TACR1: variants seen among roughly 807,000 people sequenced by gnomAD.
TACR1 encodes the protein substance-P receptor.
In TACR1, 25 loss-of-function variants were observed where a neutral mutation model predicts 35.8. The ratio of observed to expected loss-of-function variants is 0.70; its 90% CI spans 0.51 to 0.98. The LOEUF (loss-of-function observed/expected upper bound fraction) is 0.98, where lower values mean the gene tolerates loss of function less well. Ranked by LOEUF, TACR1 falls within the 50% of genes least tolerant of loss-of-function variation. The pLI, the probability that TACR1 is intolerant of heterozygous loss-of-function variation, is 0.00. For synonymous variants in TACR1, 195 were observed against 206.7 expected (o/e 0.94, Z 0.48); for missense variants, 478 against 522.9 (o/e 0.91, Z 0.84).
At chr2:75,134,593 G>T (rs1304728314) in intron 1 of TACR1, among the ~76,000 whole-genome samples, 1 of 152,190 alleles carries the variant, frequency 6.6e-6, no homozygotes, top group Non-Finnish European at 1.5e-5. Flanking sequence ...GGTTGAGCTG[G>T]CATGCACAAT....
At chr2:75,118,637 A>T (rs1673909044) in intron 2 of TACR1, among the ~76,000 whole-genome samples, 1 of 152,220 alleles carries the variant, frequency 6.6e-6, no homozygotes, top group Non-Finnish European at 1.5e-5. Context: ...TGGGAAAATT[A>T]ATCTTTATTT....
At chr2:75,130,747 C>T (rs181192058) in intron 1 of TACR1, among the ~76,000 whole-genome samples, 2 of 151,894 alleles carry the variant, frequency 1.3e-5, no homozygotes, top group Admixed American at 1.3e-4. Flanking sequence ...AGACACACAT[C>T]TGCTGAAGCA....
chr2:75,130,853 C>T (rs1394686531), intron 1 of TACR1, among the ~76,000 whole-genome samples: 1 of 152,188 alleles, frequency 6.6e-6, no homozygotes. Flanking sequence ...TGCATTTCCT[C>T]ATCATTCTGT....
chr2:75,124,895 T>C (rs1183619735), intron 1 of TACR1, among the ~76,000 whole-genome samples: 1 of 152,174 alleles, frequency 6.6e-6, no homozygotes, highest in African/African-American at 2.4e-5. Context: ...ACTCATTGGG[T>C]AGATAACTCC....
At chr2:75,193,098 C>A (rs1675890186) in intron 1 of TACR1, among the ~76,000 whole-genome samples, 2 of 152,028 alleles carry the variant, frequency 1.3e-5, no homozygotes, top group Non-Finnish European at 2.9e-5. Flanking sequence ...CCCTACTGCC[C>A]TCCCTCTCCT....
chr2:75,064,549 T>C (rs1672730199), intron 2 of TACR1, among the ~76,000 whole-genome samples: 1 of 152,084 alleles, frequency 6.6e-6, no homozygotes, highest in South Asian at 2.1e-4. Flanking sequence ...AAAGATACCA[T>C]ATTAAGCATG....
intron 1 of TACR1, among the ~76,000 whole-genome samples, chr2:75,195,996 G>T (rs1675961231): frequency 6.6e-6 from 1 of 152,138 alleles, no homozygotes. Flanking sequence ...GTTGCTTCTT[G>T]TCGGTTAGGT....
intron 2 of TACR1, among the ~76,000 whole-genome samples, chr2:75,113,535 T>TG (rs1037424015): frequency 1.4e-5 from 2 of 143,500 alleles, no homozygotes; most frequent in African/African-American, 5.2e-5. Flanking sequence ...CTTCTTCCTT[T>TG]TTTTTTTTTT....
At position 75,199,127 on chromosome 2, in the gene TACR1, T is replaced by G. The variant is rs1276836431; in HGVS notation, c.-193A>C. On this transcript the variant is annotated 5_prime_UTR_variant, in exon 1 of 5. Transcript: ENST00000305249. The stretch of plus-strand genomic sequence containing the variant: ...AACGCTTCTGGATGCACTGCCCGCC[T>G]GCCCGCGGTGGCTCTGAATTCCTCC... 1.6e-6 allele frequency: 1 copy of G among 643,220 alleles called. No homozygotes were observed. The highest frequency in any genetic ancestry group is 1.8e-5 in the African/African-American group (1 of 54,852). The allele number at this position is 643,220 out of a possible 1,614,324, so 39.8% of individuals were successfully genotyped here.
At chr2:75,133,761 T>G (rs1674224405) in intron 1 of TACR1, among the ~76,000 whole-genome samples, 1 of 152,084 alleles carries the variant, frequency 6.6e-6, no homozygotes, top group Non-Finnish European at 1.5e-5. Context: ...AACTCCATCT[T>G]GAATAGGAGC....
chr2:75,175,303 A>G lies in TACR1; in HGVS notation c.389+23243T>C, dbSNP rs115843424. ...GTCCCACGCCCCAAATGATTTTTGA[A>G]TGTCCCTCCAGATATTCATGCAGGT... On this transcript the variant is annotated intron_variant, in intron 1 of 4. Coordinates refer to ENST00000305249, the MANE Select transcript of TACR1 (RefSeq NM_001058.4). Among the ~76,000 whole-genome samples the G allele has an allele frequency of 7.5e-3, 1,147 of 152,284 alleles. 14 individuals are homozygous for G. Among genetic ancestry groups the G allele is most frequent in the African/African-American group, 0.026 (1,072 of 41,566 alleles).
chr2:75,167,324 C>T (rs912808693), intron 1 of TACR1, among the ~76,000 whole-genome samples: 2 of 151,944 alleles, frequency 1.3e-5, no homozygotes, highest in African/African-American at 4.8e-5. Flanking sequence ...GCAAATGGGC[C>T]CAATAGATCA....
chr2:75,087,075 C>T (rs1015147650), intron 2 of TACR1, among the ~76,000 whole-genome samples: 3 of 152,142 alleles, frequency 2.0e-5, no homozygotes, highest in Non-Finnish European at 4.4e-5. Context: ...CAAGTACACA[C>T]CCACACTCAC....
intron 1 of TACR1, chr2:75,154,401 A>AGCGCGTGCGCGC: frequency 1.3e-5 from 1 of 76,500 alleles, no homozygotes; most frequent in Admixed American, 1.3e-4. Context: ...ATCAGCCAAG[A>AGCGCGTGCGCGC]GCGCGCACGC....
chr2:75,126,878 G>A (rs147834749), intron 1 of TACR1, among the ~76,000 whole-genome samples: 334 of 152,222 alleles, frequency 2.2e-3, no homozygotes, highest in African/African-American at 7.3e-3. Flanking sequence ...GTGGCCGCAA[G>A]CATATGAAAA....
chr2:75,179,216 C>G (rs1675502224), intron 1 of TACR1, among the ~76,000 whole-genome samples: 1 of 152,210 alleles, frequency 6.6e-6, no homozygotes, highest in Non-Finnish European at 1.5e-5. Flanking sequence ...AGCAGTCATT[C>G]TTGACTGTGC....
At chr2:75,060,957 C>G (rs1043243483) in intron 2 of TACR1, among the ~76,000 whole-genome samples, 1 of 152,072 alleles carries the variant, frequency 6.6e-6, no homozygotes, top group African/African-American at 2.4e-5. Context: ...GTGACTGTCA[C>G]TAGTGTGGGG....
chr2:75,169,576 G>T (rs909566375), intron 1 of TACR1, among the ~76,000 whole-genome samples: 9 of 152,040 alleles, frequency 5.9e-5, no homozygotes, highest in African/African-American at 1.9e-4. Context: ...TTCTTGCTAG[G>T]ATAGATGAAG....
chr2:75,177,839 A>G lies in TACR1; in HGVS notation c.389+20707T>C, dbSNP rs374392484. ...CACAAATCTCAAGGCATGCTTCAAC[A>G]TTGCTTGACAATCCCCAAATATTTC... is the stretch of plus-strand genomic sequence containing the variant. On this transcript the variant is annotated intron_variant, in intron 1 of 4. Coordinates refer to ENST00000305249, the MANE Select transcript of TACR1 (RefSeq NM_001058.4). Among the ~76,000 whole-genome samples the G allele has an allele frequency of 9.2e-5, 14 of 152,198 alleles. No individual in the cohort carries two copies. In the East Asian group the frequency reaches 1.7e-3, roughly 19 times the overall value.
Sources: gnomAD v4.1 joint callset for allele counts (sites outside exome capture counted in the v4.1 genomes callset) on GRCh38, gnomAD v4.1.1 for gene constraint, MANE v1.5 for transcripts, NCBI Gene and HGNC (gene_info 2026-07-23, HGNC 2026-07-21) for gene names.